MROH7: variants seen among roughly 807,000 people sequenced by gnomAD.
MROH7 encodes the protein maestro heat-like repeat-containing protein family member 7.
MROH7 carries 113 observed loss-of-function variants against 129.2 expected under a neutral mutation model. The ratio of observed to expected loss-of-function variants is 0.87; its 90% CI spans 0.75 to 1.02. The LOEUF (loss-of-function observed/expected upper bound fraction) is 1.02, where lower values mean the gene tolerates loss of function less well. MROH7 is among the 50% of genes least tolerant of loss of function. The probability of loss-of-function intolerance (pLI) is 0.00; values close to 1 mark genes in which losing one functional copy is unlikely to be tolerated. For synonymous variants in MROH7, 655 were observed against 667.9 expected, an observed-to-expected ratio of 0.98 and a Z score of 0.30; for missense variants, 1,601 against 1,671.3, an observed-to-expected ratio of 0.96 and a Z score of 0.73.
chr1:54,670,489 C>T lies in MROH7; in HGVS notation c.1390-8C>T. ...TCCTCATCGGCCCTTCTGTGGCCCCCTGTCCAGAGGCAGATCCAGGAGGAG... is the reference window on the plus strand; with the variant it reads ...TCCTCATCGGCCCTTCTGTGGCCCCTTGTCCAGAGGCAGATCCAGGAGGAG... On this transcript the variant is annotated splice_region_variant and splice_polypyrimidine_tract_variant and intron_variant, in intron 5 of 23. Transcript: ENST00000421030. The T allele has an allele frequency of 6.2e-7, 1 of 1,613,302 alleles. No individual in the cohort carries two copies. The highest frequency in any genetic ancestry group is 1.1e-5 in the South Asian group (1 of 90,866).
At chr1:54,675,342 A>G (rs1211474271) in intron 10 of MROH7, among the ~76,000 whole-genome samples, 1 of 152,220 alleles carries the variant, frequency 6.6e-6, no homozygotes, top group African/African-American at 2.4e-5. Flanking sequence ...GTACTAGCTC[A>G]GTGCCACACA....
intron 1 of MROH7, among the ~76,000 whole-genome samples, chr1:54,642,497 T>C (rs928691957): frequency 1.3e-5 from 2 of 152,232 alleles, no homozygotes; most frequent in African/African-American, 4.8e-5. Context: ...CAGGAAGACA[T>C]GGTTCCACTG....
rs540861616 is a variant in MROH7 at position 54,692,545 on chromosome 1, G to T, written c.2833G>T (p.Val945Leu). The change falls in exon 16 of 24, where the codon GTG becomes TTG. Residue 945 changes from valine (V) to leucine (L), a missense_variant. Physicochemically the swap from Val to Leu is conservative, Grantham distance 32. Coordinates refer to ENST00000421030, the MANE Select transcript of MROH7 (RefSeq NM_001039464.4). Reference sequence around the variant, plus strand: ...GCAGGTGGAGAGCCACCACCGCGGAGTGGCCTTGCTGGCAAGGTGAGTCCC... The same window carrying T: ...GCAGGTGGAGAGCCACCACCGCGGATTGGCCTTGCTGGCAAGGTGAGTCCC... The part of the protein sequence containing the change: ...MEQVESHHRG[V>L]ALLARAMVQY... 6.4e-5 allele frequency: 103 copies of T among 1,613,576 alleles called. No homozygotes were observed. In the East Asian group the frequency reaches 1.9e-3, roughly 29 times the overall value.
chr1:54,699,758 C>T, intron 17 of MROH7: 1 of 310,014 alleles, frequency 3.2e-6, no homozygotes, highest in African/African-American at 2.1e-5. Flanking sequence ...CAGATGGAGG[C>T]ACTGAAGGTT....
rs762377591 is a variant in MROH7 at position 54,653,683 on chromosome 1, CATA to C, written c.761_763del (p.Asn254del). The C allele has an allele frequency of 1.2e-5, 20 of 1,614,166 alleles. No homozygotes were observed. In the African/African-American group the frequency reaches 1.9e-4, roughly 15 times the overall value. ...AAATGAGACCATCACTTTGGCTTCA[CATA>C]ATATCTCTGAGTCTGTTTCAAAAGG... On this transcript the variant is annotated inframe_deletion, in exon 3 of 24. Transcript: ENST00000421030.
intron 21 of MROH7, among the ~76,000 whole-genome samples, chr1:54,704,464 C>T (rs1220270039): frequency 8.4e-5 from 12 of 143,606 alleles, no homozygotes; most frequent in Admixed American, 3.6e-4. Context: ...GACAGAGTCT[C>T]ACTCTGTCAC....
chr1:54,651,851 CTTG>C (rs1450457182), intron 1 of MROH7, 95 bp from the exon 2 acceptor site: 42 of 143,848 alleles, frequency 2.9e-4, no homozygotes, highest in African/African-American at 7.8e-4. Flanking sequence ...TAGTGCGGAG[CTTG>C]TTAACAGACG....
At chr1:54,695,529 C>A (rs1316068871) in intron 17 of MROH7, 39 bp downstream of exon 17, 3 of 1,378,964 alleles carry the variant, frequency 2.2e-6, no homozygotes, top group Middle Eastern at 1.8e-4. Flanking sequence ...GGGAGCTCCT[C>A]CCGGGCCTCG....
intron 3 of MROH7, among the ~76,000 whole-genome samples, chr1:54,663,405 C>T (rs1644761111): frequency 6.6e-6 from 1 of 152,100 alleles, no homozygotes; most frequent in Non-Finnish European, 1.5e-5. Flanking sequence ...TGAAATATTG[C>T]TCTGTTGCCT....
At chr1:54,647,885 A>G (rs1438354986) in intron 1 of MROH7, among the ~76,000 whole-genome samples, 1 of 134,768 alleles carries the variant, frequency 7.4e-6, no homozygotes, top group Non-Finnish European at 1.6e-5. Context: ...AGCCTGTGTG[A>G]CAGAGTGAGA....
At chr1:54,708,961 G>T in intron 22 of MROH7, 53 bp from the exon 23 acceptor site, 4 of 1,547,074 alleles carry the variant, frequency 2.6e-6, no homozygotes, top group South Asian at 2.2e-5. Flanking sequence ...GGTGGGTTGG[G>T]GTGGGGTCGA....
chr1:54,672,496 G>C (rs1283884998), intron 7 of MROH7, among the ~76,000 whole-genome samples: 2 of 152,104 alleles, frequency 1.3e-5, no homozygotes, highest in African/African-American at 4.8e-5. Flanking sequence ...TGGTGGTGTG[G>C]GTAAGGGATG....
Position 54,702,245 on chromosome 1 carries a change from G to T in MROH7, c.3441G>T (p.Gln1147His). 6.5e-7 allele frequency: 1 copy of T among 1,530,554 alleles called. No individual in the cohort carries two copies. The highest frequency in any genetic ancestry group is 8.8e-7 in the Non-Finnish European group (1 of 1,135,380). 94.8% of individuals were successfully genotyped at this position (1,530,554 alleles called of 1,614,324 possible). A position where few individuals can be genotyped will look rare whatever the true frequency, so the allele number is the denominator to read the frequency against. The change falls in exon 20 of 24, where the codon CAG (glutamine) becomes CAT (histidine). Residue 1147 changes from glutamine (Q) to histidine (H), a missense_variant and splice_region_variant. By Grantham distance (24) the Gln-to-His change is conservative (BLOSUM62 0). Coordinates refer to ENST00000421030, the MANE Select transcript of MROH7 (RefSeq NM_001039464.4). Reference sequence around the variant, plus strand: ...AGGAGGGCAACTCCAAGGTAAGCCAGGTGAGTGTGCGTGGGCCCTGCACCC... The same window carrying T: ...AGGAGGGCAACTCCAAGGTAAGCCATGTGAGTGTGCGTGGGCCCTGCACCC... ...TMQEGNSKVS[Q>H]KCVKTLLRCS...
At position 54,699,159 on chromosome 1, in the gene MROH7, T is replaced by TGTCTG. The variant is rs1293867516; in HGVS notation, c.2965-1162_2965-1161insGTCTG. The stretch of plus-strand genomic sequence containing the variant: ...CTTTCTTTCTTTCTTTCTTTCTTTC[T>TGTCTG]TTTCTTTCTTTCTTTCTTTCTTTCT... On this transcript the variant is annotated intron_variant, in intron 17 of 23. Transcript: ENST00000421030. 13 of 65,978 alleles carry TGTCTG rather than the reference T, an allele frequency of 2.0e-4. 1 individual carries two copies. Among genetic ancestry groups the TGTCTG allele is most frequent in the African/African-American group, 7.3e-4 (13 of 17,688 alleles). 4.1% of individuals were successfully genotyped at this position (65,978 alleles called of 1,614,324 possible).
At chr1:54,701,071 A>G in intron 18 of MROH7, 72 bp from the exon 19 acceptor site, 5 of 1,526,690 alleles carry the variant, frequency 3.3e-6, no homozygotes, top group Non-Finnish European at 4.5e-6. Context: ...ATTTCAGTGA[A>G]TCAGAGGCTG....
intron 22 of MROH7, among the ~76,000 whole-genome samples, chr1:54,707,124 AAAAC>A (rs568365768): frequency 1.4e-4 from 21 of 152,264 alleles, no homozygotes; most frequent in Admixed American, 4.6e-4. Context: ...CTTTTTGGAA[AAAAC>A]AAACAAACAA....
intron 10 of MROH7, among the ~76,000 whole-genome samples, chr1:54,675,095 C>T (rs663688): frequency 0.27 from 40,642 of 151,964 alleles, 5,554 homozygotes; most frequent in South Asian, 0.45. Flanking sequence ...CCTGCCTCAG[C>T]CTCCCCAGTA....
chr1:54,686,419 T>A lies in MROH7; in HGVS notation c.2682T>A (p.Gly894=), dbSNP rs200757120. ...CTCCTCCCAAGGACACCAAGAAGGG[T>A]GCACAGCCCTCTCCCTTCGTACCTG... The part of the protein sequence containing the change: ...CVAPPKDTKK[G]AQPSPFVPVR... The change falls in exon 15 of 24, where the codon GGT becomes GGA. Residue 894 remains glycine (G), a synonymous_variant. Transcript: ENST00000421030. 2 of 1,613,816 alleles carry A rather than the reference T, an allele frequency of 1.2e-6. No homozygotes were observed. The highest frequency in any genetic ancestry group is 1.7e-6 in the Non-Finnish European group (2 of 1,179,938).
In MROH7 at chr1:54,673,115, G is replaced by A. The variant is rs757255939; in HGVS notation, c.1624G>A (p.Ala542Thr). 3.4e-5 allele frequency: 55 copies of A among 1,613,826 alleles called. 5 individuals carry two copies. The South Asian group carries it at 6.0e-4, about 18-fold the overall frequency. The change falls in exon 8 of 24, where the codon GCC (alanine) becomes ACC (threonine). Residue 542 changes from alanine (A) to threonine (T), a missense_variant. Physicochemically the swap from Ala to Thr is moderately conservative, Grantham distance 58 (BLOSUM62 0). Coordinates refer to ENST00000421030, the MANE Select transcript of MROH7 (RefSeq NM_001039464.4). ...IQALYHQTLE[A>T]LQTLLKALFI... ...GGCTCTTTACCATCAGACCCTGGAG[G>A]CCCTGCAGACACTGCTCAAAGCCCT... is the stretch of plus-strand genomic sequence containing the variant.
Sources: gnomAD v4.1 joint callset for allele counts (sites outside exome capture counted in the v4.1 genomes callset) on GRCh38, gnomAD v4.1.1 for gene constraint, MANE v1.5 for transcripts, NCBI Gene and HGNC (gene_info 2026-07-23, HGNC 2026-07-21) for gene names.